The following SUGCT variants were observed in gnomAD, a reference collection of about 807,000 sequenced individuals.
The protein encoded by SUGCT is succinyl-CoA:glutarate CoA-transferase.
Under a neutral mutation model 55.0 loss-of-function variants are expected in SUGCT, and 41 were observed. The observed-to-expected ratio is 0.74, with a 90% CI of 0.58 to 0.97. The LOEUF is 0.97. Among genes scored for constraint, SUGCT ranks in the 50% least tolerant of loss-of-function variants. The pLI is 0.00. For synonymous variants in SUGCT, 187 were observed against 200.4 expected (o/e 0.93, Z 0.56); for missense variants, 568 against 547.8 (o/e 1.04, Z -0.37).
chr7:40,708,018 T>G (rs1303183580), intron 12 of SUGCT, among the ~76,000 whole-genome samples: 2 of 152,220 alleles, frequency 1.3e-5, no homozygotes, highest in East Asian at 3.8e-4. Flanking sequence ...TATTATTTAA[T>G]AATATTTATA....
chr7:40,560,165 G>A lies in SUGCT; in HGVS notation c.1089+63779G>A, dbSNP rs192123544. Reference sequence around the variant, plus strand: ...GAGTTAACTATGACAAGAAATGAGTGGCCCTAAGCATACAGCTAGGTTTAT... The same window carrying A: ...GAGTTAACTATGACAAGAAATGAGTAGCCCTAAGCATACAGCTAGGTTTAT... On this transcript the variant is annotated intron_variant, in intron 12 of 13. Coordinates refer to ENST00000335693, the MANE Select transcript of SUGCT (RefSeq NM_001193313.2). Among the ~76,000 whole-genome samples, 383 of 152,238 alleles carry A rather than the reference G, an allele frequency of 2.5e-3. 1 individual carries two copies. Among genetic ancestry groups the A allele is most frequent in the African/African-American group, 8.4e-3 (349 of 41,532 alleles).
chr7:40,469,721 G>GT (rs11369335), intron 11 of SUGCT, among the ~76,000 whole-genome samples: 149,184 of 149,770 alleles, frequency 1, 74,299 homozygotes, highest in Middle Eastern at 1. Context: ...TGTCATCTCA[G>GT]TTTTTTTTTT....
intron 13 of SUGCT, among the ~76,000 whole-genome samples, chr7:40,753,803 A>G (rs1180767162): frequency 1.3e-5 from 2 of 152,220 alleles, no homozygotes; most frequent in Non-Finnish European, 1.5e-5. Flanking sequence ...ACTTTGGACA[A>G]GGATAGGAAA....
intron 1 of SUGCT, among the ~76,000 whole-genome samples, chr7:40,170,892 GT>G (rs1784638647): frequency 6.6e-6 from 1 of 152,190 alleles, no homozygotes; most frequent in South Asian, 2.1e-4. Flanking sequence ...AGAGAAAGGG[GT>G]TGGGGCTGCT....
At chr7:40,733,981 G>GTT (rs1470814824) in intron 12 of SUGCT, among the ~76,000 whole-genome samples, 1 of 152,170 alleles carries the variant, frequency 6.6e-6, no homozygotes, top group Non-Finnish European at 1.5e-5. Context: ...AGATGTTAAT[G>GTT]TTTTGTTACA....
At chr7:40,324,501 C>G (rs761246767) in intron 9 of SUGCT, among the ~76,000 whole-genome samples, 3 of 152,026 alleles carry the variant, frequency 2.0e-5, no homozygotes, top group Non-Finnish European at 4.4e-5. Flanking sequence ...GGTGATCCAC[C>G]TGCCTCGGCC....
intron 9 of SUGCT, among the ~76,000 whole-genome samples, chr7:40,445,136 A>T (rs994529135): frequency 3.3e-5 from 5 of 151,948 alleles, no homozygotes; most frequent in African/African-American, 7.2e-5. Flanking sequence ...AAGGCAAGAA[A>T]TAACTAAGAT....
At chr7:40,967,362 A>G in the SUGCT span, 1 of 152,196 alleles carries the variant, frequency 6.6e-6, no homozygotes, top group Non-Finnish European at 1.5e-5. Context: ...ATGTGTAAGT[A>G]ATGAGAAAAT....
At chr7:40,912,710 T>C in the SUGCT span, among the ~76,000 whole-genome samples, 2,009 of 150,962 alleles carry the variant, frequency 0.013, 45 homozygotes, top group African/African-American at 0.047. Context: ...ATTGCTTCAT[T>C]ACTACATGAC....
At chr7:40,227,443 C>T (rs1788445161) in intron 6 of SUGCT, among the ~76,000 whole-genome samples, 1 of 152,012 alleles carries the variant, frequency 6.6e-6, no homozygotes, top group South Asian at 2.1e-4. Flanking sequence ...CTCACTGCAG[C>T]CTCCTTGACC....
intron 13 of SUGCT, among the ~76,000 whole-genome samples, chr7:40,806,901 C>G (rs1391369613): frequency 6.6e-6 from 1 of 152,150 alleles, no homozygotes; most frequent in African/African-American, 2.4e-5. Context: ...CATGCAGCTC[C>G]ATGTGCACAG....
intron 11 of SUGCT, among the ~76,000 whole-genome samples, chr7:40,474,744 C>T (rs1790569759): frequency 6.6e-6 from 1 of 152,194 alleles, no homozygotes; most frequent in African/African-American, 2.4e-5. Context: ...TTGAATCAAA[C>T]TGCTCAGCTT....
At chr7:40,561,554 G>C (rs1795834377) in intron 12 of SUGCT, among the ~76,000 whole-genome samples, 1 of 152,000 alleles carries the variant, frequency 6.6e-6, no homozygotes, top group Admixed American at 6.5e-5. Context: ...ACAGGAATAA[G>C]ACAAACACAG....
intron 13 of SUGCT, among the ~76,000 whole-genome samples, chr7:40,838,625 C>T (rs1793115186): frequency 7.3e-6 from 1 of 137,026 alleles, no homozygotes. Flanking sequence ...TTCATTACAT[C>T]TAGCGTTTTG....
chr7:40,698,331 G>C lies in SUGCT; in HGVS notation c.1090-51103G>C, dbSNP rs770970550. Among the ~76,000 whole-genome samples, 7 of 152,246 alleles carry C rather than the reference G, an allele frequency of 4.6e-5. No homozygotes were observed. The South Asian group carries it at 8.3e-4, about 18-fold the overall frequency. ...GCAGGGCCAGACTTAGTGGCCCAAA[G>C]TGTAACTCAAAAAGACGGAGGCTGC... On this transcript the variant is annotated intron_variant, in intron 12 of 13. Transcript: ENST00000335693.
chr7:40,340,362 A>T (rs1156410338), intron 9 of SUGCT, among the ~76,000 whole-genome samples: 1 of 152,106 alleles, frequency 6.6e-6, no homozygotes, highest in Non-Finnish European at 1.5e-5. Context: ...AAAGGGAAAT[A>T]AAGGCCAAAA....
chr7:40,707,523 A>G (rs1324835221), intron 12 of SUGCT, among the ~76,000 whole-genome samples: 1 of 152,192 alleles, frequency 6.6e-6, no homozygotes, highest in African/African-American at 2.4e-5. Context: ...GAGAATGTAT[A>G]AATAGACTTC....
chr7:40,577,338 T>C (rs1178099923), intron 12 of SUGCT, among the ~76,000 whole-genome samples: 1 of 151,988 alleles, frequency 6.6e-6, no homozygotes, highest in Non-Finnish European at 1.5e-5. Flanking sequence ...CCCAAGACAT[T>C]AGTTCTAATA....
intron 9 of SUGCT, among the ~76,000 whole-genome samples, chr7:40,396,219 A>G (rs1283769806): frequency 1.3e-5 from 2 of 152,192 alleles, no homozygotes; most frequent in African/African-American, 4.8e-5. Flanking sequence ...GGAATTTGAA[A>G]TGCCTTAATA....
Sources: gnomAD v4.1 joint callset for allele counts (sites outside exome capture counted in the v4.1 genomes callset) on GRCh38, gnomAD v4.1.1 for gene constraint, MANE v1.5 for transcripts, NCBI Gene and HGNC (gene_info 2026-07-23, HGNC 2026-07-21) for gene names.